Variants in PIAS1 observed in about 807,000 individuals in gnomAD.
The protein encoded by PIAS1 is E3 SUMO-protein ligase PIAS1.
In PIAS1, 6 loss-of-function variants were observed where a neutral mutation model predicts 71.3. The observed-to-expected ratio is 0.08, with a 90% CI of 0.05 to 0.17. The LOEUF is 0.17. Ranked by LOEUF, PIAS1 falls within the 10% of genes least tolerant of loss-of-function variation. The pLI, the probability that PIAS1 is intolerant of heterozygous loss-of-function variation, is 1.00. For missense variants in PIAS1, 555 were observed against 793.6 expected (o/e 0.70, Z 3.61); for synonymous variants, 303 against 292.9 (o/e 1.03, Z -0.35).
intron 2 of PIAS1, among the ~76,000 whole-genome samples, chr15:68,103,924 A>G (rs955666091): frequency 4.6e-5 from 7 of 152,142 alleles, no homozygotes; most frequent in African/African-American, 1.7e-4. Context: ...TTGTGTGGAA[A>G]TATGTTTTCA....
At chr15:68,116,848 G>A (rs564751705) in intron 2 of PIAS1, among the ~76,000 whole-genome samples, 86 of 152,092 alleles carry the variant, frequency 5.7e-4, no homozygotes, top group Non-Finnish European at 1.1e-3. Context: ...TTATTTAGAA[G>A]TGTAATAGTT....
chr15:68,078,925 G>A lies in PIAS1; in HGVS notation c.25-7381G>A, dbSNP rs149611652. 5.5e-4 allele frequency among the ~76,000 whole-genome samples: 84 copies of A among 152,220 alleles called. No individual in the cohort carries two copies. In the South Asian group the frequency reaches 1.0e-2, roughly 18 times the overall value. ...TATAGAAAGATTTCACTAACTGTAT[G>A]TATTGTATTTCCCCAACTGTAGAAG... On this transcript the variant is annotated intron_variant, in intron 1 of 13. Coordinates refer to ENST00000249636, the MANE Select transcript of PIAS1 (RefSeq NM_016166.3).
chr15:68,086,236 A>G lies in PIAS1; in HGVS notation c.25-70A>G. ...TAAACCATAAGAAGGGGGTTATAAT[A>G]AAGTGTCATTTAATAGTGTAAATTA... On this transcript the variant is annotated intron_variant, in intron 1 of 13. Coordinates refer to ENST00000249636, the MANE Select transcript of PIAS1 (RefSeq NM_016166.3). The surrounding 1 kb of genome is among the most constrained non-coding windows in gnomAD (Gnocchi z 7.2). 1 of 1,053,776 alleles carries G rather than the reference A, an allele frequency of 9.5e-7. No homozygotes were observed. Among genetic ancestry groups the G allele is most frequent in the Non-Finnish European group, 1.4e-6 (1 of 736,086 alleles). 65.3% of individuals were successfully genotyped at this position (1,053,776 alleles called of 1,614,324 possible).
chr15:68,143,331 C>T (rs1467885594), intron 4 of PIAS1, among the ~76,000 whole-genome samples: 1 of 151,996 alleles, frequency 6.6e-6, no homozygotes, highest in Non-Finnish European at 1.5e-5. Context: ...ATCTAAAACG[C>T]CTGTTCAGCA....
At chr15:68,128,925 A>T (rs1010320934) in intron 2 of PIAS1, among the ~76,000 whole-genome samples, 23 of 152,170 alleles carry the variant, frequency 1.5e-4, no homozygotes, top group Middle Eastern at 6.8e-3. Flanking sequence ...AATAGAAATA[A>T]TTTTTTTTCT....
chr15:68,135,027 T>G (rs1280404459), intron 2 of PIAS1, among the ~76,000 whole-genome samples: 2 of 32,340 alleles, frequency 6.2e-5, no homozygotes, highest in Non-Finnish European at 1.2e-4. Context: ...GGCTCCTCAC[T>G]TCCCAGTAGG....
chr15:68,179,607 C>G (rs1567079264), intron 11 of PIAS1, among the ~76,000 whole-genome samples: 1 of 65,238 alleles, frequency 1.5e-5, no homozygotes, highest in African/African-American at 5.2e-5. Context: ...CAGAGTTTCA[C>G]TCTTATCTCC....
chr15:68,055,069 C>T (rs941320567), intron 1 of PIAS1: 2 of 284,352 alleles, frequency 7.0e-6, no homozygotes, highest in South Asian at 1.3e-4. Flanking sequence ...TCCGGGCAGC[C>T]GAGGGGAGAA....
chr15:68,159,092 C>G (rs1276847825), intron 7 of PIAS1, among the ~76,000 whole-genome samples: 4 of 152,152 alleles, frequency 2.6e-5, no homozygotes, highest in Non-Finnish European at 4.4e-5. Flanking sequence ...ATGTGACTAG[C>G]TGTAACTTTA....
At chr15:68,109,920 G>A (rs375041105) in intron 2 of PIAS1, among the ~76,000 whole-genome samples, 4 of 152,160 alleles carry the variant, frequency 2.6e-5, no homozygotes, top group African/African-American at 7.2e-5. Context: ...TGCATGGGAT[G>A]TTAGTAGGTG....
At chr15:68,079,228 A>G (rs1407258371) in intron 1 of PIAS1, among the ~76,000 whole-genome samples, 1 of 152,192 alleles carries the variant, frequency 6.6e-6, no homozygotes. Context: ...TACGATGATT[A>G]CGCATGTTTC....
chr15:68,113,812 T>C (rs2092541555), intron 2 of PIAS1, among the ~76,000 whole-genome samples: 1 of 152,162 alleles, frequency 6.6e-6, no homozygotes, highest in Non-Finnish European at 1.5e-5. Context: ...TTTACAGTGC[T>C]AAAGTTTAAT....
rs1212342108 is a variant in PIAS1 at position 68,185,288 on chromosome 15, C to T, written c.1662+1621C>T. Among the ~76,000 whole-genome samples, 1 of 151,996 alleles carries T rather than the reference C, an allele frequency of 6.6e-6. No individual in the cohort carries two copies. Among genetic ancestry groups the T allele is most frequent in the African/African-American group, 2.4e-5 (1 of 41,390 alleles). ...GGAAGGTTTACAACAGCTATGACTG[C>T]ATCAAGAACCTTGCTTGGGCATGGA... On this transcript the variant is annotated intron_variant, in intron 13 of 13. Coordinates refer to ENST00000249636, the MANE Select transcript of PIAS1 (RefSeq NM_016166.3). This position sits in a 1 kb window ranked among gnomAD's most constrained non-coding sequence, Gnocchi z 4.4.
chr15:68,069,117 A>G (rs1013844608), intron 1 of PIAS1, among the ~76,000 whole-genome samples: 8 of 150,238 alleles, frequency 5.3e-5, no homozygotes, highest in Non-Finnish European at 1.0e-4. Flanking sequence ...GCTGGTCTCG[A>G]ACTCCAGACG....
Position 68,192,736 on chromosome 15 carries a change from C to A in PIAS1, c.*4901C>A, listed in dbSNP as rs2093126225. On this transcript the variant is annotated 3_prime_UTR_variant, in exon 14 of 14. Coordinates refer to ENST00000249636, the MANE Select transcript of PIAS1 (RefSeq NM_016166.3). ...TTGTACATCCTCCCAAAAGACACATCCCATTTGATTTGGTTTTCTTCTACT... is the reference window on the plus strand; with the variant it reads ...TTGTACATCCTCCCAAAAGACACATACCATTTGATTTGGTTTTCTTCTACT... 6.6e-6 allele frequency: 1 copy of A among 152,240 alleles called. No individual in the cohort carries two copies. The highest frequency in any genetic ancestry group is 6.5e-5 in the Admixed American group (1 of 15,280). The allele number at this position is 152,240 out of a possible 1,614,324, so 9.4% of individuals were successfully genotyped here. A position where few individuals can be genotyped will look rare whatever the true frequency, so the allele number is the denominator to read the frequency against.
At chr15:68,121,730 T>C (rs2092615003) in intron 2 of PIAS1, among the ~76,000 whole-genome samples, 2 of 152,180 alleles carry the variant, frequency 1.3e-5, no homozygotes, top group Non-Finnish European at 2.9e-5. Flanking sequence ...CAGACCTCTC[T>C]CTAAGCTTCA....
chr15:68,075,182 T>G (rs748613249), intron 1 of PIAS1, among the ~76,000 whole-genome samples: 11 of 147,224 alleles, frequency 7.5e-5, no homozygotes, highest in Non-Finnish European at 1.3e-4. Flanking sequence ...CCCCCCCAGG[T>G]TCAAGCAATT....
intron 7 of PIAS1, among the ~76,000 whole-genome samples, chr15:68,160,537 T>G (rs2141072405): frequency 6.6e-6 from 1 of 152,312 alleles, no homozygotes; most frequent in Non-Finnish European, 1.5e-5. Flanking sequence ...TCAGTTAGAA[T>G]TCTCCAATTT....
intron 1 of PIAS1, among the ~76,000 whole-genome samples, chr15:68,081,680 A>G (rs1251251212): frequency 6.6e-6 from 1 of 152,068 alleles, no homozygotes; most frequent in East Asian, 1.9e-4. Context: ...AAATCCCAGA[A>G]GATAGAGCTA....
Sources: gnomAD v4.1 joint callset for allele counts (sites outside exome capture counted in the v4.1 genomes callset) on GRCh38, gnomAD v4.1.1 for gene constraint, Gnocchi (gnomAD v3.1) non-coding constraint, MANE v1.5 for transcripts, NCBI Gene and HGNC (gene_info 2026-07-23, HGNC 2026-07-21) for gene names.